RAB33B: variants seen among roughly 807,000 people sequenced by gnomAD.
The protein encoded by RAB33B is ras-related protein Rab-33B.
A neutral mutation model predicts 15.0 loss-of-function variants in RAB33B; 6 were observed. That is an observed-to-expected ratio of 0.40 (90% CI 0.22 to 0.79). The LOEUF is 0.79. Ranked by LOEUF, RAB33B falls within the 30% of genes least tolerant of loss-of-function variation. The pLI, the probability that RAB33B is intolerant of heterozygous loss-of-function variation, is 0.37. For missense variants in RAB33B, 257 were observed against 296.4 expected, an observed-to-expected ratio of 0.87 and a Z score of 0.98; for synonymous variants, 117 against 108.3, an observed-to-expected ratio of 1.08 and a Z score of -0.50.
Position 139,473,223 on chromosome 4 carries a change from T to C in RAB33B, c.*97T>C, listed in dbSNP as rs933430176. 1.5e-5 allele frequency: 16 copies of C among 1,055,524 alleles called. No individual in the cohort carries two copies. In the Admixed American group the frequency reaches 3.7e-4, roughly 25 times the overall value. 65.4% of individuals were successfully genotyped at this position (1,055,524 alleles called of 1,614,324 possible). ...AAGATTTAATCTCAACTATAATGGG[T>C]CATCTTGACACTTTGCTGTTTGTCA... On this transcript the variant is annotated 3_prime_UTR_variant, in exon 2 of 2. Transcript: ENST00000305626.
At chr4:139,463,871 C>A (rs1035262953) in intron 1 of RAB33B, among the ~76,000 whole-genome samples, 1 of 152,208 alleles carries the variant, frequency 6.6e-6, no homozygotes, top group Non-Finnish European at 1.5e-5. Context: ...AGCCCTAAGC[C>A]TTCCCATCAT....
chr4:139,467,961 G>GT (rs35010426), intron 1 of RAB33B, among the ~76,000 whole-genome samples: 5,341 of 134,050 alleles, frequency 0.04, 124 homozygotes, highest in East Asian at 0.1. Flanking sequence ...CATTCTTTCT[G>GT]TTTTTTTTTT....
At chr4:139,445,423 G>A in the RAB33B span, among the ~76,000 whole-genome samples, 1 of 152,172 alleles carries the variant, frequency 6.6e-6, no homozygotes, top group Admixed American at 6.5e-5. Context: ...AAATACACTG[G>A]ACTTACTGGT....
At chr4:139,453,425 C>G (rs546478459), upstream of RAB33B, 6 of 152,480 alleles carry the variant, frequency 3.9e-5, no homozygotes, top group African/African-American at 1.4e-4. Context: ...AGACCTTAGG[C>G]TGCAAAACTC....
At position 139,472,401 on chromosome 4, in the gene RAB33B, A is replaced by G. The variant is rs141558145; in HGVS notation, c.250-285A>G. On this transcript the variant is annotated intron_variant, in intron 1 of 1. Coordinates refer to ENST00000305626, the MANE Select transcript of RAB33B (RefSeq NM_031296.3). ...TATATTTTTCTCTTAACATTTTAAA[A>G]TAAAGTTTTGAGGTAAATTTTATTT... 2.6e-3 allele frequency among the ~76,000 whole-genome samples: 390 copies of G among 152,336 alleles called. 2 individuals carry two copies. The highest frequency in any genetic ancestry group is 3.9e-3 in the Non-Finnish European group (263 of 68,018).
chr4:139,453,988 T>A (rs926239142), upstream of RAB33B: 18 of 463,192 alleles, frequency 3.9e-5, no homozygotes, highest in East Asian at 6.7e-4. Context: ...GGCAGGCGGC[T>A]CCGTGCGGCG....
At chr4:139,469,255 C>T (rs1476421866) in intron 1 of RAB33B, among the ~76,000 whole-genome samples, 29 of 151,954 alleles carry the variant, frequency 1.9e-4, no homozygotes, top group Non-Finnish European at 2.9e-5. Flanking sequence ...GTTTTTTATT[C>T]TTTTTTCTTT....
intron 1 of RAB33B, 94 bp from the exon 2 acceptor site, chr4:139,472,592 A>T (rs1460433273): frequency 2.0e-5 from 18 of 909,558 alleles, no homozygotes; most frequent in Non-Finnish European, 2.6e-5. Flanking sequence ...TTTTAAGTGA[A>T]GAGATAATAA....
At chr4:139,449,884 G>A (rs1390379163), upstream of RAB33B, 1 of 151,998 alleles carries the variant, frequency 6.6e-6, no homozygotes, top group Non-Finnish European at 1.5e-5. Context: ...TCAAATATTG[G>A]CAAGTCTGCC....
At chr4:139,439,261 A>C in the RAB33B span, among the ~76,000 whole-genome samples, 5 of 152,292 alleles carry the variant, frequency 3.3e-5, no homozygotes, top group South Asian at 8.3e-4. Context: ...CGGCCTCCCA[A>C]AGTGCTGGGA....
intron 1 of RAB33B, among the ~76,000 whole-genome samples, chr4:139,471,815 T>A (rs775678431): frequency 1.3e-5 from 2 of 152,246 alleles, no homozygotes; most frequent in Admixed American, 1.3e-4. Context: ...AACCATTGCC[T>A]AATCCAAGGT....
Position 139,472,958 on chromosome 4 carries a change from G to GT in RAB33B, c.525dup (p.Glu176Ter). The stretch of plus-strand genomic sequence containing the variant: ...TTGCTGACACACACAGTATGCCTTT[G>GT]TTTGAAACGTCTGCTAAAAACCCCA... On this transcript the variant is annotated frameshift_variant, in exon 2 of 2. Transcript: ENST00000305626. LOFTEE classifies it high-confidence loss of function. 6.2e-7 allele frequency: 1 copy of GT among 1,614,164 alleles called. No homozygotes were observed. The highest frequency in any genetic ancestry group is 8.5e-7 in the Non-Finnish European group (1 of 1,180,020).
At chr4:139,464,032 G>A (rs192088156) in intron 1 of RAB33B, among the ~76,000 whole-genome samples, 25 of 152,302 alleles carry the variant, frequency 1.6e-4, no homozygotes, top group Admixed American at 1.2e-3. Context: ...CAAAGCTTTG[G>A]AAGGCCAAGG....
chr4:139,446,334 C>T, the RAB33B span, among the ~76,000 whole-genome samples: 1 of 152,188 alleles, frequency 6.6e-6, no homozygotes, highest in African/African-American at 2.4e-5. Context: ...AGCACTACAG[C>T]CCCTTTCTAG....
chr4:139,465,053 G>A (rs1026297004), intron 1 of RAB33B, among the ~76,000 whole-genome samples: 9 of 152,156 alleles, frequency 5.9e-5, no homozygotes, highest in African/African-American at 2.2e-4. Flanking sequence ...AGCACCTGTT[G>A]TTTCCTGACT....
At chr4:139,448,755 T>C (rs1749870734), upstream of RAB33B, 1 of 151,974 alleles carries the variant, frequency 6.6e-6, no homozygotes. Flanking sequence ...TTCTGAGTTC[T>C]AAACATTCAG....
chr4:139,443,340 C>A, the RAB33B span, among the ~76,000 whole-genome samples: 1 of 152,180 alleles, frequency 6.6e-6, no homozygotes, highest in Non-Finnish European at 1.5e-5. Context: ...GTTTGACACT[C>A]CTGATTCACC....
the RAB33B span, among the ~76,000 whole-genome samples, chr4:139,447,705 C>T: frequency 2.5e-5 from 3 of 120,924 alleles, no homozygotes; most frequent in African/African-American, 6.3e-5. Flanking sequence ...CTCGCTCTGT[C>T]GCCCAGGCTG....
intron 1 of RAB33B, among the ~76,000 whole-genome samples, chr4:139,468,287 C>G (rs1398827847): frequency 6.6e-6 from 1 of 152,190 alleles, no homozygotes; most frequent in East Asian, 1.9e-4. Context: ...TGGGAAATAC[C>G]TGCCCCCATA....
Sources: allele counts gnomAD v4.1 joint callset (sites outside exome capture counted in the v4.1 genomes callset), GRCh38; gene constraint gnomAD v4.1.1; transcripts MANE v1.5; gene names NCBI Gene and HGNC (gene_info 2026-07-23, HGNC 2026-07-21).